The following POLR3B variants were observed in gnomAD, a reference collection of about 807,000 sequenced individuals.
The protein encoded by POLR3B is DNA-directed RNA polymerase III subunit RPC2.
POLR3B carries 96 observed loss-of-function variants against 147.4 expected under a neutral mutation model. The ratio of observed to expected loss-of-function variants is 0.65; its 90% CI spans 0.55 to 0.77. The LOEUF is 0.77. Ranked by LOEUF, POLR3B falls within the 30% of genes least tolerant of loss-of-function variation. The pLI, the probability that POLR3B is intolerant of heterozygous loss-of-function variation, is 0.00. For synonymous variants in POLR3B, 461 were observed against 485.9 expected (o/e 0.95, Z 0.67); for missense variants, 1,036 against 1,413.5 (o/e 0.73, Z 4.28).
chr12:106,477,692 A>G (rs980947510), intron 23 of POLR3B, among the ~76,000 whole-genome samples: 1 of 151,992 alleles, frequency 6.6e-6, no homozygotes, highest in Admixed American at 6.5e-5. Context: ...TGTGCTTCCC[A>G]GGTGAGGCAA....
chr12:106,411,716 G>A (rs1249874120), intron 12 of POLR3B, among the ~76,000 whole-genome samples: 3 of 152,122 alleles, frequency 2.0e-5, no homozygotes, highest in Admixed American at 6.5e-5. Flanking sequence ...TTGTTTTGGT[G>A]ACATGGTAGA....
chr12:106,448,423 A>ATTTTTT (rs2037751837), intron 19 of POLR3B, among the ~76,000 whole-genome samples: 1 of 48,526 alleles, frequency 2.1e-5, no homozygotes, highest in African/African-American at 7.7e-5. Context: ...TACATACGTT[A>ATTTTTT]TTTCTTTTTT....
intron 6 of POLR3B, among the ~76,000 whole-genome samples, chr12:106,370,622 T>G (rs1450891687): frequency 6.6e-6 from 1 of 151,458 alleles, no homozygotes; most frequent in Non-Finnish European, 1.5e-5. Context: ...GTGTTTTTTT[T>G]GTTTTATTGT....
intron 10 of POLR3B, among the ~76,000 whole-genome samples, chr12:106,401,279 A>C (rs2037062450): frequency 1.3e-5 from 2 of 152,234 alleles, no homozygotes; most frequent in Admixed American, 1.3e-4. Context: ...ACCAGGAAAA[A>C]GTTGAATCTC....
At chr12:106,470,704 AG>A (rs2038078220) in intron 23 of POLR3B, among the ~76,000 whole-genome samples, 7 of 152,204 alleles carry the variant, frequency 4.6e-5, no homozygotes, top group Non-Finnish European at 1.5e-5. Flanking sequence ...TCATTCTAAC[AG>A]ACAGGCCTGT....
chr12:106,427,193 T>A lies in POLR3B; in HGVS notation c.1102-4T>A. 6.7e-7 allele frequency: 1 copy of A among 1,495,224 alleles called. No individual in the cohort carries two copies. The highest frequency in any genetic ancestry group is 9.1e-7 in the Non-Finnish European group (1 of 1,095,314). The allele number at this position is 1,495,224 out of a possible 1,614,324, so 92.6% of individuals were successfully genotyped here. ...TCACCATATACCTTTTTTTTTTTTT[T>A]TAGCTTTTATCTCTTCTTTTTGAAG... On this transcript the variant is annotated splice_region_variant and splice_polypyrimidine_tract_variant and intron_variant, in intron 12 of 27. Transcript: ENST00000228347.
At chr12:106,370,244 T>C (rs566730128) in intron 6 of POLR3B, among the ~76,000 whole-genome samples, 16 of 152,312 alleles carry the variant, frequency 1.1e-4, no homozygotes, top group Admixed American at 5.9e-4. Context: ...CAAGTGTTTT[T>C]CCCCCTCTCA....
intron 12 of POLR3B, among the ~76,000 whole-genome samples, chr12:106,426,222 T>TTGTG (rs35090518): frequency 0.08 from 10,493 of 131,038 alleles, 451 homozygotes; most frequent in African/African-American, 0.13. Flanking sequence ...GGCCTGCAAT[T>TTGTG]TGTGTGTGTG....
chr12:106,414,429 G>A (rs547480196), intron 12 of POLR3B, among the ~76,000 whole-genome samples: 81 of 152,090 alleles, frequency 5.3e-4, no homozygotes, highest in African/African-American at 1.8e-3. Flanking sequence ...TTGGGGATAT[G>A]TATTTTCTTT....
intron 10 of POLR3B, among the ~76,000 whole-genome samples, chr12:106,404,093 G>GTT (rs372930203): frequency 9.6e-5 from 13 of 136,008 alleles, no homozygotes; most frequent in South Asian, 2.4e-4. Flanking sequence ...GTTGTTTTTT[G>GTT]TTTTTTTTTT....
intron 18 of POLR3B, among the ~76,000 whole-genome samples, chr12:106,440,480 A>G (rs2037635361): frequency 6.6e-6 from 1 of 151,974 alleles, no homozygotes; most frequent in African/African-American, 2.4e-5. Flanking sequence ...GCCCACTTCC[A>G]TTTCTACCTC....
intron 11 of POLR3B, 124 bp downstream of exon 11, chr12:106,406,100 G>T: frequency 1.1e-6 from 1 of 951,070 alleles, no homozygotes; most frequent in South Asian, 1.4e-5. Flanking sequence ...AAAGAGGACT[G>T]TACTGCCCCA....
chr12:106,448,427 CTTTTTTTTTTTTTTTTTT>C (rs869133588), intron 19 of POLR3B, among the ~76,000 whole-genome samples: 11 of 50,606 alleles, frequency 2.2e-4, no homozygotes, highest in South Asian at 7.3e-4. Flanking sequence ...TACGTTATTT[CTTTTTTTTTTTTTTTTTT>C]TTTTTTTTTT....
intron 6 of POLR3B, among the ~76,000 whole-genome samples, chr12:106,372,514 T>A (rs11829394): frequency 2.0e-5 from 3 of 151,938 alleles, no homozygotes; most frequent in Admixed American, 6.6e-5. Flanking sequence ...ATTTTTTTTT[T>A]ATTTTTAGTA....
In POLR3B at chr12:106,509,708, A is replaced by G. The variant is rs913961398; in HGVS notation, c.*159A>G. ...ATGGAGAGGCTTTTTATATACTCTA[A>G]GACTGGCTAAACAACCTTGATCATT... On this transcript the variant is annotated 3_prime_UTR_variant, in exon 28 of 28. Coordinates refer to ENST00000228347, the MANE Select transcript of POLR3B (RefSeq NM_018082.6). 1 of 636,970 alleles carries G rather than the reference A, an allele frequency of 1.6e-6. No individual in the cohort carries two copies. The highest frequency in any genetic ancestry group is 2.7e-6 in the Non-Finnish European group (1 of 365,474). The allele number at this position is 636,970 out of a possible 1,614,324, so 39.5% of individuals were successfully genotyped here.
intron 23 of POLR3B, among the ~76,000 whole-genome samples, chr12:106,473,869 G>C (rs375315349): frequency 1.3e-3 from 195 of 150,282 alleles, no homozygotes; most frequent in African/African-American, 3.8e-3. Flanking sequence ...CTTCTCCTGC[G>C]TGATTGCCCT....
At chr12:106,437,589 G>C in intron 17 of POLR3B, 92 bp from the exon 18 acceptor site, 1 of 733,996 alleles carries the variant, frequency 1.4e-6, no homozygotes, top group East Asian at 2.7e-5. Context: ...AGGTGCTTTG[G>C]GCCTAAACGA....
chr12:106,378,312 A>T lies in POLR3B; in HGVS notation c.542A>T (p.Gln181Leu). The part of the protein sequence containing the change: ...VKGVEKVILI[Q>L]EQLSKNRIIV... ...GGAGTAGAAAAAGTTATTCTTATCC[A>T]AGAGCAGCTGTCTAAGAACAGGATC... The change falls in exon 8 of 28, where the codon CAA becomes CTA. Residue 181 changes from glutamine to leucine, a missense_variant. Physicochemically the swap from Gln to Leu is moderately radical, Grantham distance 113 (BLOSUM62 -2). This residue lies in a region of POLR3B where 217 missense variants were observed against 288.7 expected (regional missense o/e 0.75). Transcript: ENST00000228347. 6.2e-7 allele frequency: 1 copy of T among 1,613,946 alleles called. No individual in the cohort carries two copies. The highest frequency in any genetic ancestry group is 8.5e-7 in the Non-Finnish European group (1 of 1,179,830).
At chr12:106,487,374 T>C (rs1026083318) in intron 23 of POLR3B, among the ~76,000 whole-genome samples, 1 of 152,230 alleles carries the variant, frequency 6.6e-6, no homozygotes, top group Admixed American at 6.5e-5. Context: ...TCCTGTTTTT[T>C]CTTTTGTAGT....
Sources: allele counts gnomAD v4.1 joint callset (sites outside exome capture counted in the v4.1 genomes callset), GRCh38; gene constraint gnomAD v4.1.1; regional missense constraint gnomAD v4.1.1; transcripts MANE v1.5; gene names NCBI Gene and HGNC (gene_info 2026-07-23, HGNC 2026-07-21).